NT5DC1: variants seen among roughly 807,000 people sequenced by gnomAD.
The protein encoded by NT5DC1 is 5'-nucleotidase domain-containing protein 1.
In NT5DC1, 42 loss-of-function variants were observed where a neutral mutation model predicts 59.4. The observed-to-expected ratio is 0.71, with a 90% CI of 0.55 to 0.92. The LOEUF is 0.92. Ranked by LOEUF, NT5DC1 falls within the 40% of genes least tolerant of loss-of-function variation. NT5DC1 has a pLI of 0.00. For missense variants in NT5DC1, 501 were observed against 537.1 expected, an observed-to-expected ratio of 0.93 and a Z score of 0.66; for synonymous variants, 172 against 188.1, an observed-to-expected ratio of 0.91 and a Z score of 0.70.
intron 6 of NT5DC1, among the ~76,000 whole-genome samples, chr6:116,189,894 A>C (rs1408615501): frequency 5.9e-5 from 9 of 152,026 alleles, no homozygotes; most frequent in Non-Finnish European, 2.9e-5. Flanking sequence ...ATACTATGCT[A>C]TATGTATGTT....
intron 6 of NT5DC1, among the ~76,000 whole-genome samples, chr6:116,155,609 A>G (rs144299782): frequency 6.6e-6 from 1 of 152,298 alleles, no homozygotes; most frequent in Non-Finnish European, 1.5e-5. Flanking sequence ...CTGCAGGTCA[A>G]TGAAATTACA....
intron 9 of NT5DC1, chr6:116,237,669 C>T (rs1782143801): frequency 2.9e-6 from 1 of 344,288 alleles, no homozygotes; most frequent in South Asian, 2.3e-5. Context: ...AGTCCTCAGA[C>T]TCCATTGCCT....
intron 2 of NT5DC1, among the ~76,000 whole-genome samples, chr6:116,106,830 C>T (rs1202414510): frequency 6.6e-6 from 1 of 152,160 alleles, no homozygotes; most frequent in Non-Finnish European, 1.5e-5. Context: ...CTTCCCAAAG[C>T]TTCGTTTGTC....
rs569100511 is a variant in NT5DC1, at chr6:116,244,800, G to T, written c.*776G>T. The T allele has an allele frequency of 2.6e-5, 4 of 152,252 alleles. No homozygotes were observed. In the East Asian group the frequency reaches 7.7e-4, roughly 29 times the overall value. The allele number at this position is 152,252 out of a possible 1,614,324, so 9.4% of individuals were successfully genotyped here. A position where few individuals can be genotyped will look rare whatever the true frequency, so the allele number is the denominator to read the frequency against. On this transcript the variant is annotated 3_prime_UTR_variant, in exon 12 of 12. Transcript: ENST00000319550. ...AGTATGGAAAAAAGATGATCTAGAA[G>T]TCAACTATCTCAACCTCCATTGTTA...
In NT5DC1 at chr6:116,106,237, T is replaced by C; in HGVS notation, c.94-7T>C. On this transcript the variant is annotated splice_polypyrimidine_tract_variant and splice_region_variant and intron_variant, in intron 1 of 11. Transcript: ENST00000319550. ...ATTTAATCTGTTTTTCTTCCCCTTATTTGCAGCTCATTTATAATAGCTTTG... is the reference window on the plus strand; with the variant it reads ...ATTTAATCTGTTTTTCTTCCCCTTACTTGCAGCTCATTTATAATAGCTTTG... 1 of 1,415,570 alleles carries C rather than the reference T, an allele frequency of 7.1e-7. No homozygotes were observed. The highest frequency in any genetic ancestry group is 2.3e-5 in the East Asian group (1 of 43,952). The allele number at this position is 1,415,570 out of a possible 1,614,324, so 87.7% of individuals were successfully genotyped here. A position where few individuals can be genotyped will look rare whatever the true frequency, so the allele number is the denominator to read the frequency against.
At chr6:116,111,865 A>G (rs1488066781) in intron 4 of NT5DC1, among the ~76,000 whole-genome samples, 1 of 152,202 alleles carries the variant, frequency 6.6e-6, no homozygotes, top group African/African-American at 2.4e-5. Flanking sequence ...GCCTTTGTAT[A>G]CCTATCAAGT....
chr6:116,192,736 G>A (rs1299730517), intron 6 of NT5DC1, among the ~76,000 whole-genome samples: 1 of 152,022 alleles, frequency 6.6e-6, no homozygotes, highest in East Asian at 1.9e-4. Context: ...AATCTATCTG[G>A]TCTGAGTACT....
At chr6:116,214,452 G>A (rs1781651309) in intron 6 of NT5DC1, among the ~76,000 whole-genome samples, 1 of 152,096 alleles carries the variant, frequency 6.6e-6, no homozygotes, top group African/African-American at 2.4e-5. Flanking sequence ...TGAGGACCAT[G>A]TTCTGCTAGG....
chr6:116,201,722 C>T (rs1781351237), intron 6 of NT5DC1, among the ~76,000 whole-genome samples: 1 of 151,974 alleles, frequency 6.6e-6, no homozygotes, highest in Admixed American at 6.6e-5. Context: ...TGGGCAAGGA[C>T]ATGCAGCCGA....
intron 8 of NT5DC1, among the ~76,000 whole-genome samples, chr6:116,235,174 C>T (rs139932670): frequency 2.0e-5 from 3 of 151,956 alleles, no homozygotes; most frequent in Non-Finnish European, 4.4e-5. Flanking sequence ...TAGATATCTA[C>T]ATATCAACTG....
At chr6:116,139,226 A>G (rs952810931) in intron 6 of NT5DC1, among the ~76,000 whole-genome samples, 1 of 152,108 alleles carries the variant, frequency 6.6e-6, no homozygotes, top group Non-Finnish European at 1.5e-5. Flanking sequence ...CAAAGTGTGG[A>G]TTTTTTGGGG....
At chr6:116,129,854 G>A (rs1418880409) in intron 6 of NT5DC1, among the ~76,000 whole-genome samples, 1 of 152,096 alleles carries the variant, frequency 6.6e-6, no homozygotes, top group East Asian at 1.9e-4. Flanking sequence ...CACTTAACTT[G>A]CTACTGTGGA....
chr6:116,173,806 C>A (rs924909919), intron 6 of NT5DC1, among the ~76,000 whole-genome samples: 15 of 152,034 alleles, frequency 9.9e-5, no homozygotes, highest in African/African-American at 3.6e-4. Flanking sequence ...ATTATGGTAC[C>A]TTTGTCACAT....
chr6:116,209,657 T>C (rs1344567339), intron 6 of NT5DC1, among the ~76,000 whole-genome samples: 1 of 151,826 alleles, frequency 6.6e-6, no homozygotes, highest in Non-Finnish European at 1.5e-5. Context: ...GGAAGGGAGA[T>C]AATATTTATG....
At chr6:116,113,895 A>G (rs1459045901) in intron 4 of NT5DC1, among the ~76,000 whole-genome samples, 1 of 152,214 alleles carries the variant, frequency 6.6e-6, no homozygotes, top group Non-Finnish European at 1.5e-5. Flanking sequence ...AAGTTGGGTC[A>G]GTCTAGTGTC....
At chr6:116,214,130 T>C (rs1781642137) in intron 6 of NT5DC1, among the ~76,000 whole-genome samples, 1 of 152,114 alleles carries the variant, frequency 6.6e-6, no homozygotes, top group African/African-American at 2.4e-5. Flanking sequence ...GCAAACCACT[T>C]ACAAACTTAG....
At chr6:116,148,586 A>G (rs754891637) in intron 6 of NT5DC1, among the ~76,000 whole-genome samples, 8 of 152,192 alleles carry the variant, frequency 5.3e-5, no homozygotes, top group Non-Finnish European at 1.2e-4. Flanking sequence ...TATTACTATG[A>G]TAACAGTTTA....
chr6:116,138,676 C>T (rs1221239359), intron 6 of NT5DC1, among the ~76,000 whole-genome samples: 1 of 152,124 alleles, frequency 6.6e-6, no homozygotes, highest in Non-Finnish European at 1.5e-5. Flanking sequence ...CTAAAAACTT[C>T]TCAATATTTT....
chr6:116,177,860 G>A (rs1780767609), intron 6 of NT5DC1, among the ~76,000 whole-genome samples: 1 of 152,156 alleles, frequency 6.6e-6, no homozygotes, highest in Non-Finnish European at 1.5e-5. Context: ...ATGCCTACTG[G>A]AAGGGCAGGG....
Sources: allele counts gnomAD v4.1 joint callset (sites outside exome capture counted in the v4.1 genomes callset), GRCh38; gene constraint gnomAD v4.1.1; transcripts MANE v1.5; gene names NCBI Gene and HGNC (gene_info 2026-07-23, HGNC 2026-07-21).